The following MAGI2 variants were observed in gnomAD, a reference collection of about 807,000 sequenced individuals.
MAGI2 encodes the protein membrane-associated guanylate kinase, WW and PDZ domain-containing protein 2.
MAGI2 carries 35 observed loss-of-function variants against 133.3 expected under a neutral mutation model. That is an observed-to-expected ratio of 0.26 (90% CI 0.20 to 0.35). The LOEUF (loss-of-function observed/expected upper bound fraction) is 0.35. MAGI2 is among the 10% of genes least tolerant of loss of function. The pLI, the probability that MAGI2 is intolerant of heterozygous loss-of-function variation, is 1.00. For missense variants in MAGI2, 1,636 were observed against 1,863.4 expected (o/e 0.88, Z 2.25); for synonymous variants, 729 against 710.6 (o/e 1.03, Z -0.41).
At chr7:78,454,493 T>C (rs1286272693) in intron 6 of MAGI2, among the ~76,000 whole-genome samples, 2 of 152,140 alleles carry the variant, frequency 1.3e-5, no homozygotes, top group Non-Finnish European at 2.9e-5. Context: ...TACAGCCTCT[T>C]TGGAAGGCAG....
intron 20 of MAGI2, among the ~76,000 whole-genome samples, chr7:78,108,600 G>A (rs1206016471): frequency 1.3e-5 from 2 of 151,338 alleles, no homozygotes; most frequent in Non-Finnish European, 2.9e-5. Flanking sequence ...TGTTATATTG[G>A]GGTCGGTCTC....
chr7:78,475,040 T>A (rs1236031504), intron 6 of MAGI2, among the ~76,000 whole-genome samples: 4 of 151,880 alleles, frequency 2.6e-5, no homozygotes, highest in African/African-American at 9.7e-5. Context: ...TTATCAGGAG[T>A]TCCCTCAGTA....
At chr7:78,454,269 G>A (rs562183610) in intron 6 of MAGI2, among the ~76,000 whole-genome samples, 3 of 152,230 alleles carry the variant, frequency 2.0e-5, no homozygotes, top group South Asian at 2.1e-4. Context: ...GATACATCGA[G>A]CTTATGATCC....
At chr7:78,104,289 G>T (rs1170120413) in intron 20 of MAGI2, among the ~76,000 whole-genome samples, 1 of 152,004 alleles carries the variant, frequency 6.6e-6, no homozygotes, top group Non-Finnish European at 1.5e-5. Flanking sequence ...GTGGCTCGAT[G>T]TCGGCTCACT....
intron 2 of MAGI2, among the ~76,000 whole-genome samples, chr7:78,986,972 C>A (rs2116266418): frequency 6.6e-6 from 1 of 152,030 alleles, no homozygotes; most frequent in East Asian, 2.0e-4. Context: ...ACAGCAGGGT[C>A]AGCCCTTCCA....
At position 78,822,383 on chromosome 7, in the gene MAGI2, A is replaced by T. The variant is rs188752345; in HGVS notation, c.418+184707T>A. Among the ~76,000 whole-genome samples the T allele has an allele frequency of 7.8e-3, 1,191 of 152,198 alleles. 40 individuals carry two copies. The highest frequency in any genetic ancestry group is 0.051 in the Admixed American group (783 of 15,294). ...ATTTTGGTTGTACTATGGAGAGAAT[A>T]ATAATTTAACTCATCTTTGGTTCTT... On this transcript the variant is annotated intron_variant, in intron 2 of 21. Transcript: ENST00000354212.
intron 2 of MAGI2, among the ~76,000 whole-genome samples, chr7:78,962,184 T>C (rs1409623911): frequency 6.6e-6 from 1 of 152,116 alleles, no homozygotes; most frequent in Non-Finnish European, 1.5e-5. Flanking sequence ...AACAAATCTT[T>C]GAAGGAATCA....
chr7:78,860,832 GC>G (rs1471377924), intron 2 of MAGI2, among the ~76,000 whole-genome samples: 1 of 152,168 alleles, frequency 6.6e-6, no homozygotes, highest in Non-Finnish European at 1.5e-5. Context: ...GCTATGCCCT[GC>G]CCCCAGAGAT....
intron 3 of MAGI2, chr7:78,621,164 G>C (rs1807694697): frequency 6.6e-6 from 1 of 151,854 alleles, no homozygotes; most frequent in Non-Finnish European, 1.5e-5. Context: ...AACTTTTAGA[G>C]TGCCATACTT....
chr7:78,071,652 TC>T, intron 21 of MAGI2, among the ~76,000 whole-genome samples: 1 of 152,174 alleles, frequency 6.6e-6, no homozygotes, highest in East Asian at 1.9e-4. Flanking sequence ...GCAGAGAGCA[TC>T]CTGAGCCTTT....
chr7:78,841,517 A>C (rs1052620248), intron 2 of MAGI2, among the ~76,000 whole-genome samples: 3 of 151,774 alleles, frequency 2.0e-5, no homozygotes, highest in Non-Finnish European at 4.4e-5. Flanking sequence ...CATCCCTCTC[A>C]TCCTTACACA....
intron 1 of MAGI2, among the ~76,000 whole-genome samples, chr7:79,152,230 A>C (rs1280259615): frequency 6.6e-6 from 1 of 152,188 alleles, no homozygotes; most frequent in African/African-American, 2.4e-5. Context: ...CTAGAGAAAG[A>C]AATATCATTC....
intron 2 of MAGI2, among the ~76,000 whole-genome samples, chr7:78,809,146 A>G (rs1476132894): frequency 6.6e-6 from 1 of 152,208 alleles, no homozygotes; most frequent in African/African-American, 2.4e-5. Context: ...GACTTGCAAT[A>G]TAACACTGGA....
chr7:78,649,236 G>GAAAAAAA (rs3085451), intron 2 of MAGI2, among the ~76,000 whole-genome samples: 6 of 88,156 alleles, frequency 6.8e-5, no homozygotes, highest in South Asian at 4.2e-4. Flanking sequence ...AAAAAAAAAA[G>GAAAAAAA]AAAAAAAAAG....
intron 21 of MAGI2, among the ~76,000 whole-genome samples, chr7:78,033,485 A>AAAAG (rs1809826628): frequency 9.6e-6 from 1 of 104,042 alleles, no homozygotes. Context: ...AAAAAAAAAA[A>AAAAG]AAAAAAAGAA....
chr7:79,428,993 T>C (rs542101475), intron 1 of MAGI2, among the ~76,000 whole-genome samples: 70 of 152,208 alleles, frequency 4.6e-4, no homozygotes, highest in African/African-American at 1.7e-3. Context: ...ATGATATAAG[T>C]AGACTATATG....
chr7:79,288,398 A>T (rs893186625), intron 1 of MAGI2, among the ~76,000 whole-genome samples: 2 of 152,190 alleles, frequency 1.3e-5, no homozygotes, highest in Non-Finnish European at 2.9e-5. Flanking sequence ...AACATTTATA[A>T]TCCAAAAATA....
At chr7:78,277,168 T>A (rs1367360275) in intron 9 of MAGI2, among the ~76,000 whole-genome samples, 1 of 152,172 alleles carries the variant, frequency 6.6e-6, no homozygotes, top group African/African-American at 2.4e-5. Flanking sequence ...AAATATGAAG[T>A]CCCAGCAGAT....
At chr7:78,829,541 T>A (rs1247423238) in intron 2 of MAGI2, among the ~76,000 whole-genome samples, 18 of 152,022 alleles carry the variant, frequency 1.2e-4, no homozygotes, top group African/African-American at 4.3e-4. Flanking sequence ...TTTATATATG[T>A]ATACTAAATG....
Sources: allele counts gnomAD v4.1 joint callset (sites outside exome capture counted in the v4.1 genomes callset), GRCh38; gene constraint gnomAD v4.1.1; transcripts MANE v1.5; gene names NCBI Gene and HGNC (gene_info 2026-07-23, HGNC 2026-07-21).